KNCN: variants seen among roughly 807,000 people sequenced by gnomAD.
KNCN encodes the protein kinocilin.
KNCN carries 11 observed loss-of-function variants against 10.4 expected under a neutral mutation model. The ratio of observed to expected loss-of-function variants is 1.06; its 90% CI spans 0.67 to 1.75. The LOEUF is 1.75. KNCN is among the 40% of genes most tolerant of loss of function. The pLI is 0.00. For missense variants in KNCN, 172 were observed against 167.1 expected, an observed-to-expected ratio of 1.03 and a Z score of -0.16; for synonymous variants, 67 against 71.6, an observed-to-expected ratio of 0.94 and a Z score of 0.33.
Position 46,551,043 on chromosome 1 carries a change from T to G in KNCN, c.151+22A>C, listed in dbSNP as rs955948765. 1 of 1,563,870 alleles carries G rather than the reference T, an allele frequency of 6.4e-7. No individual in the cohort carries two copies. Among genetic ancestry groups the G allele is most frequent in the Non-Finnish European group, 8.7e-7 (1 of 1,153,536 alleles). On this transcript the variant is annotated intron_variant, in intron 1 of 3. Transcript: ENST00000481882. The surrounding 1 kb of genome is among the most constrained non-coding windows in gnomAD (Gnocchi z 4.0). ...CCACCTCCAGAATCTCCCTTCCCTATCCCAGCCCAGCCCCTGCTCACCCAG... is the reference window on the plus strand; with the variant it reads ...CCACCTCCAGAATCTCCCTTCCCTAGCCCAGCCCAGCCCCTGCTCACCCAG...
Position 46,551,390 on chromosome 1 carries a change from T to A in KNCN, c.-175A>T. 1 of 621,984 alleles carries A rather than the reference T, an allele frequency of 1.6e-6. No homozygotes were observed. The highest frequency in any genetic ancestry group is 2.6e-6 in the Non-Finnish European group (1 of 382,236). 38.5% of individuals were successfully genotyped at this position (621,984 alleles called of 1,614,324 possible). A position where few individuals can be genotyped will look rare whatever the true frequency, so the allele number is the denominator to read the frequency against. ...GGATTTATCTGCAGTCCTATTCCACTGCTCCACTACGGGCCCCCCAGTCCC... is the reference window on the plus strand; with the variant it reads ...GGATTTATCTGCAGTCCTATTCCACAGCTCCACTACGGGCCCCCCAGTCCC... On this transcript the variant is annotated 5_prime_UTR_variant, in exon 1 of 4. Transcript: ENST00000481882. The surrounding 1 kb of genome is among the most constrained non-coding windows in gnomAD (Gnocchi z 4.0).
At chr1:46,549,101 A>T (rs965217519) in intron 3 of KNCN, 92 bp downstream of exon 3, 1 of 945,576 alleles carries the variant, frequency 1.1e-6, no homozygotes, top group Non-Finnish European at 1.6e-6. Context: ...AGATCATGCC[A>T]TTGCACTCCA....
intron 2 of KNCN, chr1:46,549,654 AGATGTTGGAG>A: frequency 1.8e-6 from 1 of 570,596 alleles, no homozygotes; most frequent in Non-Finnish European, 3.1e-6. Context: ...AGTTATTTAG[AGATGTTGGAG>A]GCTTTGGGGA....
Position 46,551,310 on chromosome 1 carries a change from C to T in KNCN, c.-95G>A. The T allele has an allele frequency of 2.1e-6, 3 of 1,434,710 alleles. No homozygotes were observed. The highest frequency in any genetic ancestry group is 1.4e-5 in the African/African-American group (1 of 69,016). 88.9% of individuals were successfully genotyped at this position (1,434,710 alleles called of 1,614,324 possible). ...GCTCTTGGATGTCTCCTTGTTGGCG[C>T]TCCAACTTCAGGGTAGGAGTTTCTG... On this transcript the variant is annotated 5_prime_UTR_variant, in exon 1 of 4. Coordinates refer to ENST00000481882, the MANE Select transcript of KNCN (RefSeq NM_001322255.2). This position sits in a 1 kb window ranked among gnomAD's most constrained non-coding sequence, Gnocchi z 4.0.
At chr1:46,548,502 C>G (rs767740110) in intron 3 of KNCN, among the ~76,000 whole-genome samples, 1 of 152,168 alleles carries the variant, frequency 6.6e-6, no homozygotes, top group African/African-American at 2.4e-5. Context: ...CAGCTCTGCC[C>G]TGGGCACTGG....
chr1:46,550,739 C>T (rs751342511), intron 1 of KNCN, among the ~76,000 whole-genome samples: 1 of 152,146 alleles, frequency 6.6e-6, no homozygotes, highest in Non-Finnish European at 1.5e-5. Flanking sequence ...CGCCATCAAC[C>T]CCCTGTTCCG....
At chr1:46,548,650 C>T (rs556679938) in intron 3 of KNCN, among the ~76,000 whole-genome samples, 3 of 152,264 alleles carry the variant, frequency 2.0e-5, no homozygotes, top group East Asian at 1.9e-4. Flanking sequence ...GCCCTCATTC[C>T]AGTGTCCACG....
Position 46,547,512 on chromosome 1 carries a change from C to T in KNCN, c.*218G>A, listed in dbSNP as rs929330216. The T allele has an allele frequency of 6.7e-5, 47 of 701,996 alleles. No homozygotes were observed. Among genetic ancestry groups the T allele is most frequent in the Non-Finnish European group, 1.1e-4 (43 of 383,160 alleles). 43.5% of individuals were successfully genotyped at this position (701,996 alleles called of 1,614,324 possible). A position where few individuals can be genotyped will look rare whatever the true frequency, so the allele number is the denominator to read the frequency against. On this transcript the variant is annotated 3_prime_UTR_variant, in exon 4 of 4. Coordinates refer to ENST00000481882, the MANE Select transcript of KNCN (RefSeq NM_001322255.2). ...ACCCTGTGGGGGCGTCCGGCGACAC[C>T]TTGCTCCAGGTCCCAGCCCACACCA...
chr1:46,547,876 A>G, intron 3 of KNCN, 67 bp from the exon 4 acceptor site: 1 of 1,199,980 alleles, frequency 8.3e-7, no homozygotes, highest in Non-Finnish European at 1.1e-6. Flanking sequence ...TCAGGGTCAG[A>G]GGAACTCAGA....
chr1:46,549,538 T>C (rs1000034743), intron 2 of KNCN, among the ~76,000 whole-genome samples: 3 of 151,968 alleles, frequency 2.0e-5, no homozygotes, highest in African/African-American at 4.8e-5. Flanking sequence ...TTGGTGGAGA[T>C]GGCAGCCTGT....
rs973784010 is a variant in KNCN at position 46,547,756 on chromosome 1, C to G, written c.349G>C (p.Gly117Arg). 4.1e-6 allele frequency: 6 copies of G among 1,480,526 alleles called. No individual in the cohort carries two copies. Among genetic ancestry groups the G allele is most frequent in the Non-Finnish European group, 5.4e-6 (6 of 1,116,408 alleles). 91.7% of individuals were successfully genotyped at this position (1,480,526 alleles called of 1,614,324 possible). Residue 117 changes from glycine (G) to arginine (R), a missense_variant, in exon 4 of 4, where the codon GGG becomes CGG. Coordinates refer to ENST00000481882, the MANE Select transcript of KNCN (RefSeq NM_001322255.2). ...CAGCATTCCTCAGCCCCCCGGGTCC[C>G]CGGCTTCAGCTTCTCCAGGGTCCTG... Reference protein sequence around the residue: ...VSRTLEKLKPGTRGAEEC With the variant: ...VSRTLEKLKPRTRGAEEC
At chr1:46,549,770 A>G in intron 2 of KNCN, 164 bp downstream of exon 2, 1 of 1,316,122 alleles carries the variant, frequency 7.6e-7, no homozygotes, top group South Asian at 1.4e-5. Context: ...TAGTCATGGC[A>G]ACGCCTGCAC....
Position 46,546,444 on chromosome 1 carries a change from C to G in KNCN, c.*1286G>C, listed in dbSNP as rs2148506432. On this transcript the variant is annotated 3_prime_UTR_variant, in exon 4 of 4. Coordinates refer to ENST00000481882, the MANE Select transcript of KNCN (RefSeq NM_001322255.2). ...CAGGGGAGGCTTCTAAGAGGAAGTGCCGTCTCCATTGATCCTGGAAGAAGG... is the reference window on the plus strand; with the variant it reads ...CAGGGGAGGCTTCTAAGAGGAAGTGGCGTCTCCATTGATCCTGGAAGAAGG... 1 of 152,382 alleles carries G rather than the reference C, an allele frequency of 6.6e-6. No individual in the cohort carries two copies. Among genetic ancestry groups the G allele is most frequent in the African/African-American group, 2.4e-5 (1 of 41,570 alleles). 9.4% of individuals were successfully genotyped at this position (152,382 alleles called of 1,614,324 possible).
rs1241533461 is a variant in KNCN at position 46,545,755 on chromosome 1, G to GT, written c.*1974dup. 3.3e-5 allele frequency: 5 copies of GT among 152,284 alleles called. No individual in the cohort carries two copies. The highest frequency in any genetic ancestry group is 1.2e-4 in the African/African-American group (5 of 41,400). 9.4% of individuals were successfully genotyped at this position (152,284 alleles called of 1,614,324 possible). A position where few individuals can be genotyped will look rare whatever the true frequency, so the allele number is the denominator to read the frequency against. On this transcript the variant is annotated 3_prime_UTR_variant, in exon 4 of 4. Coordinates refer to ENST00000481882, the MANE Select transcript of KNCN (RefSeq NM_001322255.2). ...CCTGGGGAGAGCATGGCTGAGAGGGGTTGATGGGCAGGGGGGAGGGAACCA... is the reference window on the plus strand; with the variant it reads ...CCTGGGGAGAGCATGGCTGAGAGGGGTTTGATGGGCAGGGGGGAGGGAACCA...
chr1:46,551,140 T>TGCCAGCC lies in KNCN; in HGVS notation c.69_75dup (p.Ser26GlyfsTer99). ...GATACGGAGATGCCGATAATGATGC[T>TGCCAGCC]GCCAGCCACCAGCCCGAGAGCCACG... On this transcript the variant is annotated frameshift_variant, in exon 1 of 4. Transcript: ENST00000481882. LOFTEE classifies it high-confidence loss of function. The surrounding 1 kb of genome is among the most constrained non-coding windows in gnomAD (Gnocchi z 4.0). 2 of 1,611,466 alleles carry TGCCAGCC rather than the reference T, an allele frequency of 1.2e-6. No homozygotes were observed. The highest frequency in any genetic ancestry group is 1.7e-6 in the Non-Finnish European group (2 of 1,178,788).
chr1:46,549,481 G>C (rs1667021775), intron 2 of KNCN, among the ~76,000 whole-genome samples: 1 of 152,158 alleles, frequency 6.6e-6, no homozygotes, highest in Admixed American at 6.5e-5. Flanking sequence ...ATCTTTTAGG[G>C]AGGTGAGGTC....
At chr1:46,547,875 G>T in intron 3 of KNCN, 66 bp from the exon 4 acceptor site, 1 of 1,198,396 alleles carries the variant, frequency 8.3e-7, no homozygotes, top group Non-Finnish European at 1.1e-6. Flanking sequence ...GTCAGGGTCA[G>T]AGGAACTCAG....
intron 3 of KNCN, among the ~76,000 whole-genome samples, chr1:46,548,861 C>T (rs1414942761): frequency 6.6e-6 from 1 of 152,222 alleles, no homozygotes; most frequent in Admixed American, 6.5e-5. Flanking sequence ...TGGATTCAGG[C>T]TGGGCACGGT....
rs984724733 is a variant in KNCN at position 46,551,295 on chromosome 1, G to A, written c.-80C>T. ...CCTGGAAGTTTCTGGGCTCTTGGAT[G>A]TCTCCTTGTTGGCGCTCCAACTTCA... is the stretch of plus-strand genomic sequence containing the variant. On this transcript the variant is annotated 5_prime_UTR_variant, in exon 1 of 4. Transcript: ENST00000481882. This position sits in a 1 kb window ranked among gnomAD's most constrained non-coding sequence, Gnocchi z 4.0. 8 of 1,509,560 alleles carry A rather than the reference G, an allele frequency of 5.3e-6. No homozygotes were observed. Among genetic ancestry groups the A allele is most frequent in the Non-Finnish European group, 7.1e-6 (8 of 1,119,798 alleles). 93.5% of individuals were successfully genotyped at this position (1,509,560 alleles called of 1,614,324 possible).
Sources: allele counts gnomAD v4.1 joint callset (sites outside exome capture counted in the v4.1 genomes callset), GRCh38; gene constraint gnomAD v4.1.1; non-coding constraint Gnocchi (gnomAD v3.1); transcripts MANE v1.5; gene names NCBI Gene and HGNC (gene_info 2026-07-23, HGNC 2026-07-21).